The following PRMT9 variants were observed in gnomAD, a reference collection of about 807,000 sequenced individuals.
The protein encoded by PRMT9 is protein arginine methyltransferase 9, also known as protein arginine N-methyltransferase 9.
PRMT9 carries 59 observed loss-of-function variants against 83.2 expected under a neutral mutation model. That is an observed-to-expected ratio of 0.71 (90% CI 0.57 to 0.88). PRMT9 has a LOEUF of 0.88. Ranked by LOEUF, PRMT9 falls within the 40% of genes least tolerant of loss-of-function variation. The pLI is 0.00. For missense variants in PRMT9, 947 were observed against 1,021.9 expected, an observed-to-expected ratio of 0.93 and a Z score of 1.00; for synonymous variants, 333 against 353.2, an observed-to-expected ratio of 0.94 and a Z score of 0.64.
chr4:147,683,732 T>TATA, intron 1 of PRMT9, 67 bp downstream of exon 1: 1 of 1,092,506 alleles, frequency 9.2e-7, no homozygotes, highest in Non-Finnish European at 1.3e-6. Context: ...TTTTTTTTTT[T>TATA]CTGTTTTTTT....
chr4:147,661,715 G>A (rs1021735053), intron 6 of PRMT9, among the ~76,000 whole-genome samples: 3 of 135,250 alleles, frequency 2.2e-5, no homozygotes, highest in Admixed American at 9.0e-5. Context: ...CAGTGAACCC[G>A]GAAGGCTGAG....
intron 8 of PRMT9, among the ~76,000 whole-genome samples, chr4:147,655,726 G>C (rs1734440863): frequency 6.6e-6 from 1 of 151,686 alleles, no homozygotes; most frequent in Admixed American, 6.6e-5. Context: ...ATTTTTAGTA[G>C]AGACCAGGCT....
rs757443435 is a variant in PRMT9, at chr4:147,657,829, A to G, written c.1293T>C (p.Cys431=). The G allele has an allele frequency of 6.2e-7, 1 of 1,611,992 alleles. No individual in the cohort carries two copies. Among genetic ancestry groups the G allele is most frequent in the South Asian group, 1.1e-5 (1 of 90,914 alleles). The change falls in exon 8 of 12, where the codon TGT becomes TGC. Residue 431 remains cysteine, a synonymous_variant. Transcript: ENST00000322396. The stretch of plus-strand genomic sequence containing the variant: ...GTACGGGGTAGACAGCCTGTTCCCA[A>G]CATGTTTCCTCACTAGGACTTGTGG... The part of the protein sequence containing the change: ...SLSTSPSEET[C]WEQAVYPVQD...
At chr4:147,682,556 C>T (rs988460381) in intron 1 of PRMT9, among the ~76,000 whole-genome samples, 3 of 152,118 alleles carry the variant, frequency 2.0e-5, no homozygotes, top group South Asian at 2.1e-4. Context: ...GTGATCCACC[C>T]GCCTCCGCCT....
intron 2 of PRMT9, among the ~76,000 whole-genome samples, chr4:147,679,422 A>G (rs1454600376): frequency 6.6e-6 from 1 of 151,496 alleles, no homozygotes; most frequent in Non-Finnish European, 1.5e-5. Flanking sequence ...CTCCAACCTG[A>G]GCGACACAGT....
rs1161060249 is a variant in PRMT9, at chr4:147,672,949, A to G, written c.743+10T>C. On this transcript the variant is annotated intron_variant, in intron 4 of 11. Transcript: ENST00000322396. ...AGTATAAACACTAAAATTAGTTTAC[A>G]TGATAATACCTTTCGGGAATATGTT... 6.2e-7 allele frequency: 1 copy of G among 1,610,188 alleles called. No individual in the cohort carries two copies.
At chr4:147,673,421 T>C (rs1451865539) in intron 3 of PRMT9, among the ~76,000 whole-genome samples, 2 of 152,188 alleles carry the variant, frequency 1.3e-5, no homozygotes, top group Admixed American at 1.3e-4. Flanking sequence ...AGACTCAAAT[T>C]CATTATTCAA....
intron 4 of PRMT9, 91 bp downstream of exon 4, chr4:147,672,868 A>G: frequency 1.0e-6 from 1 of 998,154 alleles, no homozygotes; most frequent in East Asian, 2.5e-5. Context: ...AGGGTTTTGT[A>G]GCATTTTGTT....
chr4:147,641,407 T>A (rs1399509651), intron 10 of PRMT9, among the ~76,000 whole-genome samples: 2 of 152,166 alleles, frequency 1.3e-5, no homozygotes, highest in Non-Finnish European at 2.9e-5. Context: ...ATCCTTTGAT[T>A]TGTGTGATTT....
At chr4:147,643,620 T>C (rs1236287322) in intron 9 of PRMT9, among the ~76,000 whole-genome samples, 3 of 152,200 alleles carry the variant, frequency 2.0e-5, no homozygotes, top group Non-Finnish European at 2.9e-5. Context: ...AAATGACTTA[T>C]CACAAAGGGG....
In PRMT9 at chr4:147,654,299, T is replaced by C. The variant is rs1430566726; in HGVS notation, c.1598A>G (p.Tyr533Cys). Reference sequence around the variant, plus strand: ...CATTGCCATTTTAAAGCCTTCATGATATGGGATGTTGTTAAGCAAAGCAAT... The same window carrying C: ...CATTGCCATTTTAAAGCCTTCATGACATGGGATGTTGTTAAGCAAAGCAAT... ...TEIALLNNIP[Y>C]HEGFKMAMSK... The change falls in exon 9 of 12, where the codon TAT becomes TGT. Residue 533 changes from tyrosine (Y) to cysteine (C), a missense_variant. Coordinates refer to ENST00000322396, the MANE Select transcript of PRMT9 (RefSeq NM_138364.4). 1 of 1,614,244 alleles carries C rather than the reference T, an allele frequency of 6.2e-7. No individual in the cohort carries two copies. Among genetic ancestry groups the C allele is most frequent in the Non-Finnish European group, 8.5e-7 (1 of 1,180,040 alleles).
Position 147,638,516 on chromosome 4 carries a change from A to G in PRMT9, c.*16T>C, listed in dbSNP as rs1466098783. 1.9e-6 allele frequency: 3 copies of G among 1,596,608 alleles called. No homozygotes were observed. Among genetic ancestry groups the G allele is most frequent in the Non-Finnish European group, 2.6e-6 (3 of 1,164,520 alleles). On this transcript the variant is annotated 3_prime_UTR_variant, in exon 12 of 12. Coordinates refer to ENST00000322396, the MANE Select transcript of PRMT9 (RefSeq NM_138364.4). ...TTGATGCTCTATTTACACAGTTTTCATTGGAAAACTGCTCTTCATTGCTTT... is the reference window on the plus strand; with the variant it reads ...TTGATGCTCTATTTACACAGTTTTCGTTGGAAAACTGCTCTTCATTGCTTT...
At chr4:147,641,624 CTCTT>C (rs993164575) in intron 10 of PRMT9, among the ~76,000 whole-genome samples, 3 of 152,286 alleles carry the variant, frequency 2.0e-5, no homozygotes, top group East Asian at 3.9e-4. Context: ...GTAAACTTCT[CTCTT>C]TATTTCATAG....
chr4:147,661,789 CAAAAAAAAAA>C (rs70958573), intron 6 of PRMT9, among the ~76,000 whole-genome samples: 3 of 60,226 alleles, frequency 5.0e-5, no homozygotes, highest in African/African-American at 2.3e-4. Flanking sequence ...GACTCCATCT[CAAAAAAAAAA>C]AAAAAAAAAA....
chr4:147,649,217 G>A (rs991383033), intron 9 of PRMT9, among the ~76,000 whole-genome samples: 4 of 151,928 alleles, frequency 2.6e-5, no homozygotes, highest in African/African-American at 9.7e-5. Context: ...GGGAGAGAGA[G>A]AGAAAGGGAA....
At chr4:147,675,010 C>T (rs1735973077) in intron 2 of PRMT9, among the ~76,000 whole-genome samples, 3 of 151,980 alleles carry the variant, frequency 2.0e-5, no homozygotes, top group Admixed American at 6.6e-5. Context: ...GACAGAGTTT[C>T]GCTTTTGTTG....
At chr4:147,657,493 C>T (rs566304559) in intron 8 of PRMT9, among the ~76,000 whole-genome samples, 4 of 150,170 alleles carry the variant, frequency 2.7e-5, no homozygotes, top group East Asian at 2.0e-4. Flanking sequence ...CCACTGCAAT[C>T]GGCCTGGGCA....
rs888766276 is a variant in PRMT9 at position 147,655,342 on chromosome 4, A to T, written c.1331-776T>A. Among the ~76,000 whole-genome samples the T allele has an allele frequency of 4.0e-5, 6 of 151,310 alleles. 1 individual carries two copies. Among genetic ancestry groups the T allele is most frequent in the East Asian group, 1.9e-4 (1 of 5,170 alleles). ...CAGGCCCAGCTATTTTTTTTTTTTT[A>T]AATAGAGATGAGGTCTTGCTATTTT... On this transcript the variant is annotated intron_variant, in intron 8 of 11. Transcript: ENST00000322396.
intron 10 of PRMT9, among the ~76,000 whole-genome samples, chr4:147,639,592 C>A (rs1361080148): frequency 1.1e-4 from 16 of 152,086 alleles, no homozygotes; most frequent in Admixed American, 1.0e-3. Context: ...TTTTTAAAAG[C>A]CCAGCTGTTC....
Sources: allele counts gnomAD v4.1 joint callset (sites outside exome capture counted in the v4.1 genomes callset), GRCh38; gene constraint gnomAD v4.1.1; transcripts MANE v1.5; gene names NCBI Gene and HGNC (gene_info 2026-07-23, HGNC 2026-07-21).